The following LRRC7 variants were observed in gnomAD, a reference collection of about 807,000 sequenced individuals.
LRRC7 encodes the protein leucine rich repeat containing 7.
A neutral mutation model predicts 175.7 loss-of-function variants in LRRC7; 23 were observed. That is an observed-to-expected ratio of 0.13 (90% CI 0.09 to 0.19). The LOEUF (loss-of-function observed/expected upper bound fraction) is 0.19. Among genes scored for constraint, LRRC7 ranks in the 10% least tolerant of loss-of-function variants. The pLI is 1.00. For synonymous variants in LRRC7, 685 were observed against 680.9 expected (o/e 1.01, Z -0.09); for missense variants, 1,354 against 1,904.7 (o/e 0.71, Z 5.38).
intron 3 of LRRC7, among the ~76,000 whole-genome samples, chr1:69,781,215 T>A (rs1253033354): frequency 6.6e-6 from 1 of 152,062 alleles, no homozygotes; most frequent in East Asian, 1.9e-4. Flanking sequence ...AGTTGTTGAG[T>A]CTGAGTCTTC....
chr1:69,901,482 A>C (rs1646133701), intron 7 of LRRC7, among the ~76,000 whole-genome samples: 1 of 151,988 alleles, frequency 6.6e-6, no homozygotes, highest in Admixed American at 6.6e-5. Context: ...TTCCTCATCT[A>C]GTTTTGGTGC....
At chr1:69,624,405 C>A (rs970475782) in intron 1 of LRRC7, among the ~76,000 whole-genome samples, 3 of 151,862 alleles carry the variant, frequency 2.0e-5, no homozygotes, top group Non-Finnish European at 4.4e-5. Context: ...AATAGAAATC[C>A]TTTATTCCAC....
rs1666941412 is a variant in LRRC7, at chr1:70,138,188, A to G, written c.*16301A>G. On this transcript the variant is annotated 3_prime_UTR_variant, in exon 27 of 27. Coordinates refer to ENST00000651989, the MANE Select transcript of LRRC7 (RefSeq NM_001370785.2). ...GTGATGGATTGTGCAGCATGCTTAC[A>G]TTTGAAAATGGAGATTGTGCCTTTA... 6.6e-6 allele frequency: 1 copy of G among 152,184 alleles called. No homozygotes were observed. Among genetic ancestry groups the G allele is most frequent in the African/African-American group, 2.4e-5 (1 of 41,442 alleles). The allele number at this position is 152,184 out of a possible 1,614,324, so 9.4% of individuals were successfully genotyped here.
intron 2 of LRRC7, among the ~76,000 whole-genome samples, chr1:69,715,884 C>A (rs1665289443): frequency 1.3e-5 from 2 of 151,752 alleles, no homozygotes; most frequent in African/African-American, 2.4e-5. Context: ...CTTATAGGTA[C>A]CAAAATGTTG....
Position 70,038,988 on chromosome 1 carries a change from A to C in LRRC7, c.3164A>C (p.Gln1055Pro). ...ACCTACGGAAGTAGTAAGGGGCCAC[A>C]ACAACAAAAAGCTTCTATGACAAAA... ...MLTYGSSKGPQQQKASMTKKV... is the reference protein window; with the variant it reads ...MLTYGSSKGPPQQKASMTKKV... Residue 1055 changes from glutamine to proline, a missense_variant, in exon 21 of 27, where the codon CAA becomes CCA. Around this residue, in one of 4 missense-constraint regions of LRRC7, gnomAD observed 1,032 missense variants for 1,227.2 expected, o/e 0.84. Transcript: ENST00000651989. 6.2e-7 allele frequency: 1 copy of C among 1,614,024 alleles called. No individual in the cohort carries two copies. The highest frequency in any genetic ancestry group is 8.5e-7 in the Non-Finnish European group (1 of 1,179,972).
chr1:69,978,950 A>AAC lies in LRRC7; in HGVS notation c.712-1427_712-1426dup, dbSNP rs1491389043. Among the ~76,000 whole-genome samples, 671 of 150,214 alleles carry AAC rather than the reference A, an allele frequency of 4.5e-3. 8 individuals are homozygous for AAC. The highest frequency in any genetic ancestry group is 0.015 in the African/African-American group (620 of 40,372). The stretch of plus-strand genomic sequence containing the variant: ...TCAGTTAGAAAAAAAAAAAAAAAAA[A>AAC]ACAGAAAATCTGCCTTCCAGGCTTA... On this transcript the variant is annotated intron_variant, in intron 8 of 26. Transcript: ENST00000651989.
chr1:69,764,738 T>C (rs111241384), intron 3 of LRRC7, among the ~76,000 whole-genome samples: 4,002 of 127,520 alleles, frequency 0.031, 103 homozygotes, highest in African/African-American at 0.09. Context: ...GACAGATAGA[T>C]AGATAGATAG....
chr1:69,990,579 G>A (rs1005482836), intron 10 of LRRC7, among the ~76,000 whole-genome samples: 3 of 151,946 alleles, frequency 2.0e-5, no homozygotes, highest in African/African-American at 7.3e-5. Context: ...TTCAAGCAGA[G>A]GCTAGAAATA....
At chr1:70,094,429 A>G (rs1264579569) in intron 25 of LRRC7, among the ~76,000 whole-genome samples, 3 of 152,224 alleles carry the variant, frequency 2.0e-5, no homozygotes, top group Non-Finnish European at 4.4e-5. Context: ...TGGTACAGGT[A>G]AAATTCCAAG....
At chr1:69,925,235 C>T (rs1647027552) in intron 7 of LRRC7, among the ~76,000 whole-genome samples, 1 of 152,192 alleles carries the variant, frequency 6.6e-6, no homozygotes, top group Non-Finnish European at 1.5e-5. Context: ...CATCAATGTT[C>T]ATCAAGGATA....
At chr1:69,669,318 T>C (rs1236173326) in intron 1 of LRRC7, among the ~76,000 whole-genome samples, 1 of 152,188 alleles carries the variant, frequency 6.6e-6, no homozygotes, top group Non-Finnish European at 1.5e-5. Context: ...ATCTGCATGT[T>C]CAAAGGATGT....
chr1:69,965,442 C>T (rs1651558172), intron 8 of LRRC7, among the ~76,000 whole-genome samples: 1 of 152,088 alleles, frequency 6.6e-6, no homozygotes, highest in Non-Finnish European at 1.5e-5. Flanking sequence ...TTAAAATATT[C>T]ATAAGGGCTT....
chr1:69,659,763 A>AG (rs5774990), intron 1 of LRRC7, among the ~76,000 whole-genome samples: 152,119 of 152,120 alleles, frequency 1, 76,059 homozygotes, highest in Non-Finnish European at 1. Flanking sequence ...GATAATCAAA[A>AG]GCACTACATA....
chr1:69,840,401 A>G (rs1161919456), intron 7 of LRRC7, among the ~76,000 whole-genome samples: 5 of 152,096 alleles, frequency 3.3e-5, no homozygotes, highest in Admixed American at 6.6e-5. Flanking sequence ...AGTTTTAGGA[A>G]AAACAATTTT....
chr1:69,996,777 T>C (rs558713355), intron 11 of LRRC7, among the ~76,000 whole-genome samples: 1 of 151,958 alleles, frequency 6.6e-6, no homozygotes, highest in Non-Finnish European at 1.5e-5. Flanking sequence ...TTGGTACCAG[T>C]ACCATGCTGT....
At chr1:69,897,790 C>T (rs929616696) in intron 7 of LRRC7, among the ~76,000 whole-genome samples, 10 of 152,144 alleles carry the variant, frequency 6.6e-5, no homozygotes, top group Non-Finnish European at 7.4e-5. Flanking sequence ...ATTGAACATG[C>T]CATGTCAATC....
chr1:69,865,468 C>CCTT (rs1684818110), intron 7 of LRRC7, among the ~76,000 whole-genome samples: 1 of 21,486 alleles, frequency 4.7e-5, no homozygotes, highest in Non-Finnish European at 1.0e-4. Context: ...GAAGACAGTT[C>CCTT]CTTTTTTTTT....
chr1:69,984,932 C>T (rs1653795076), intron 9 of LRRC7, among the ~76,000 whole-genome samples: 1 of 152,192 alleles, frequency 6.6e-6, no homozygotes, highest in Non-Finnish European at 1.5e-5. Flanking sequence ...AACTTCATCA[C>T]TATACTCAGC....
At chr1:69,845,624 G>A (rs6689992) in intron 7 of LRRC7, among the ~76,000 whole-genome samples, 2,900 of 152,012 alleles carry the variant, frequency 0.019, 88 homozygotes, top group African/African-American at 0.067. Context: ...CTGGACAGGT[G>A]TGACTAAGTC....
Sources: allele counts gnomAD v4.1 joint callset (sites outside exome capture counted in the v4.1 genomes callset), GRCh38; gene constraint gnomAD v4.1.1; regional missense constraint gnomAD v4.1.1; transcripts MANE v1.5; gene names NCBI Gene and HGNC (gene_info 2026-07-23, HGNC 2026-07-21).